PCDHGB4: variants seen among roughly 807,000 people sequenced by gnomAD.
PCDHGB4 encodes the protein protocadherin gamma subfamily B, 4, also known as protocadherin gamma-B4.
Under a neutral mutation model 60.5 loss-of-function variants are expected in PCDHGB4, and 38 were observed. The observed-to-expected ratio is 0.63, with a 90% CI of 0.48 to 0.82. The LOEUF (loss-of-function observed/expected upper bound fraction) is 0.82, where lower values mean the gene tolerates loss of function less well. PCDHGB4 is among the 40% of genes least tolerant of loss of function. The probability of loss-of-function intolerance (pLI) is 0.00; values close to 1 mark genes in which losing one functional copy is unlikely to be tolerated. For missense variants in PCDHGB4, 1,109 were observed against 1,209.6 expected (o/e 0.92, Z 1.23); for synonymous variants, 456 against 509.7 (o/e 0.89, Z 1.42).
chr5:141,422,969 G>C (rs1269760845), intron 1 of PCDHGB4: 2 of 1,614,202 alleles, frequency 1.2e-6, no homozygotes, highest in South Asian at 2.2e-5. Flanking sequence ...CTGGCGCCCC[G>C]CTCTGCGGAA....
chr5:141,485,866 C>T lies in PCDHGB4; in HGVS notation c.2398-8941C>T. The T allele has an allele frequency of 2.5e-6, 4 of 1,614,144 alleles. No individual in the cohort carries two copies. Among genetic ancestry groups the T allele is most frequent in the Non-Finnish European group, 3.4e-6 (4 of 1,180,014 alleles). On this transcript the variant is annotated intron_variant, in intron 1 of 3. Coordinates refer to ENST00000519479, the MANE Select transcript of PCDHGB4 (RefSeq NM_003736.4). The surrounding 1 kb of genome is among the most constrained non-coding windows in gnomAD (Gnocchi z 5.7). ...CTGGCACCGCAGAGCTCCGGGTATCCGTGCTGGACGTAAACGACAACGCCC... is the reference window on the plus strand; with the variant it reads ...CTGGCACCGCAGAGCTCCGGGTATCTGTGCTGGACGTAAACGACAACGCCC...
At chr5:141,422,725 G>C (rs1424048338) in intron 1 of PCDHGB4, 1 of 1,606,156 alleles carries the variant, frequency 6.2e-7, no homozygotes, top group African/African-American at 1.3e-5. Flanking sequence ...TGTCCAGGGG[G>C]TGCCTCTGTC....
At chr5:141,404,560 C>G in intron 1 of PCDHGB4, 1 of 1,613,578 alleles carries the variant, frequency 6.2e-7, no homozygotes, top group South Asian at 1.1e-5. Context: ...CGGCAAGTGA[C>G]AGTGGAAGCC....
rs780685517 is a variant in PCDHGB4 at position 141,489,548 on chromosome 5, T to C, written c.2398-5259T>C. 6.2e-7 allele frequency: 1 copy of C among 1,614,136 alleles called. No individual in the cohort carries two copies. Among genetic ancestry groups the C allele is most frequent in the South Asian group, 1.1e-5 (1 of 91,086 alleles). On this transcript the variant is annotated intron_variant, in intron 1 of 3. Coordinates refer to ENST00000519479, the MANE Select transcript of PCDHGB4 (RefSeq NM_003736.4). This position sits in a 1 kb window ranked among gnomAD's most constrained non-coding sequence, Gnocchi z 4.5. ...CTATGTGGAGCCAGCACCAGCTGCCTGCTGCCAGTGCAGGTGGTGACTGAA... is the reference window on the plus strand; with the variant it reads ...CTATGTGGAGCCAGCACCAGCTGCCCGCTGCCAGTGCAGGTGGTGACTGAA...
intron 3 of PCDHGB4, among the ~76,000 whole-genome samples, chr5:141,506,799 A>G (rs1026030023): frequency 5.3e-5 from 8 of 152,198 alleles, no homozygotes; most frequent in Admixed American, 3.9e-4. Flanking sequence ...CTGGCAGAGG[A>G]TCAAGGCATT....
intron 1 of PCDHGB4, chr5:141,408,572 G>A (rs745760240): frequency 4.3e-6 from 7 of 1,614,048 alleles, no homozygotes; most frequent in East Asian, 2.2e-5. Flanking sequence ...TGTGGTGATT[G>A]AGGATGTTAA....
intron 1 of PCDHGB4, chr5:141,421,930 G>T (rs780569992): frequency 3.1e-6 from 5 of 1,613,480 alleles, no homozygotes; most frequent in Non-Finnish European, 4.2e-6. Context: ...GGTGGTCCTC[G>T]ATGTAAATGA....
intron 1 of PCDHGB4, chr5:141,400,525 G>A: frequency 6.2e-7 from 1 of 1,613,908 alleles, no homozygotes; most frequent in Non-Finnish European, 8.5e-7. Context: ...TCCTGAGTTG[G>A]TGAGTTTCAT....
chr5:141,398,578 A>C (rs370163028), intron 1 of PCDHGB4: 29 of 1,613,942 alleles, frequency 1.8e-5, no homozygotes, highest in Admixed American at 3.3e-5. Context: ...GCCTGGCACA[A>C]GATTTATACT....
At chr5:141,403,138 C>G in intron 1 of PCDHGB4, 1 of 1,614,036 alleles carries the variant, frequency 6.2e-7, no homozygotes, top group Non-Finnish European at 8.5e-7. Context: ...TGGCGGAGCG[C>G]CGAGTCCGCA....
Position 141,507,906 on chromosome 5 carries a change from G to A in PCDHGB4, c.2545+2425G>A, listed in dbSNP as rs2099864753. ...AGAGAGGTTCCTGAAGTCCAGCCCA[G>A]CCAGGCCTGTGGGGCTGCTGAGAGG... On this transcript the variant is annotated intron_variant, in intron 3 of 3. Coordinates refer to ENST00000519479, the MANE Select transcript of PCDHGB4 (RefSeq NM_003736.4). Among the ~76,000 whole-genome samples, 4 of 152,216 alleles carry A rather than the reference G, an allele frequency of 2.6e-5. No homozygotes were observed. The South Asian group carries it at 8.3e-4, about 32-fold the overall frequency.
At chr5:141,425,695 T>G (rs1329762653) in intron 1 of PCDHGB4, among the ~76,000 whole-genome samples, 1 of 152,232 alleles carries the variant, frequency 6.6e-6, no homozygotes, top group African/African-American at 2.4e-5. Context: ...TATCATTTCA[T>G]AGTGGTCAAA....
At chr5:141,463,438 C>CTTTTTTT (rs71576115) in intron 1 of PCDHGB4, among the ~76,000 whole-genome samples, 6 of 103,252 alleles carry the variant, frequency 5.8e-5, no homozygotes, top group African/African-American at 1.3e-4. Flanking sequence ...TTTCCTTCTC[C>CTTTTTTT]TTTTTTTTTT....
At chr5:141,412,233 A>T (rs866840267) in intron 1 of PCDHGB4, 1 of 152,256 alleles carries the variant, frequency 6.6e-6, no homozygotes, top group Non-Finnish European at 1.5e-5. Context: ...TTAAAAACCT[A>T]TATCACTACA....
At position 141,511,482 on chromosome 5, in the gene PCDHGB4, C is replaced by A. The variant is rs761434245; in HGVS notation, c.*309C>A. ...CACACCCCGTTTAGTTACAGCTGAA[C>A]TCCTCCATCTTCCAAATCAATCAGG... On this transcript the variant is annotated 3_prime_UTR_variant, in exon 4 of 4. Coordinates refer to ENST00000519479, the MANE Select transcript of PCDHGB4 (RefSeq NM_003736.4). The A allele has an allele frequency of 2.4e-4, 113 of 464,462 alleles. No homozygotes were observed. Among genetic ancestry groups the A allele is most frequent in the Non-Finnish European group, 4.0e-4 (105 of 260,154 alleles). The allele number at this position is 464,462 out of a possible 1,614,324, so 28.8% of individuals were successfully genotyped here. A position where few individuals can be genotyped will look rare whatever the true frequency, so the allele number is the denominator to read the frequency against.
chr5:141,450,829 A>ATTTTTT (rs373424450), intron 1 of PCDHGB4, among the ~76,000 whole-genome samples: 1 of 135,126 alleles, frequency 7.4e-6, no homozygotes. Context: ...TATTATTATT[A>ATTTTTT]TTTTTTTTTT....
chr5:141,510,944 C>T lies in PCDHGB4; in HGVS notation c.2546-3C>T, dbSNP rs772921698. 2 of 1,614,120 alleles carry T rather than the reference C, an allele frequency of 1.2e-6. No individual in the cohort carries two copies. Among genetic ancestry groups the T allele is most frequent in the South Asian group, 2.2e-5 (2 of 91,080 alleles). On this transcript the variant is annotated splice_region_variant and splice_polypyrimidine_tract_variant and intron_variant, in intron 3 of 3. Transcript: ENST00000519479. Reference sequence around the variant, plus strand: ...CCCACCTGATCTTCCTCTGTCTCTGCAGAAGCTGCTGATGGGAGCTCCACC... The same window carrying T: ...CCCACCTGATCTTCCTCTGTCTCTGTAGAAGCTGCTGATGGGAGCTCCACC...
intron 1 of PCDHGB4, among the ~76,000 whole-genome samples, chr5:141,425,864 A>T (rs2096899427): frequency 6.6e-6 from 1 of 152,254 alleles, no homozygotes; most frequent in African/African-American, 2.4e-5. Flanking sequence ...TGTTCTATAG[A>T]TTCCCATCTC....
intron 1 of PCDHGB4, chr5:141,403,058 C>T (rs1264463559): frequency 1.9e-6 from 3 of 1,613,942 alleles, no homozygotes; most frequent in African/African-American, 2.7e-5. Context: ...CTACTCAGTG[C>T]CTGAAGAGAC....
Sources: gnomAD v4.1 joint callset for allele counts (sites outside exome capture counted in the v4.1 genomes callset) on GRCh38, gnomAD v4.1.1 for gene constraint, Gnocchi (gnomAD v3.1) non-coding constraint, MANE v1.5 for transcripts, NCBI Gene and HGNC (gene_info 2026-07-23, HGNC 2026-07-21) for gene names.